The following MET variants were observed in gnomAD, a reference collection of about 807,000 sequenced individuals.
MET encodes the protein hepatocyte growth factor receptor.
A neutral mutation model predicts 133.1 loss-of-function variants in MET; 48 were observed. The observed-to-expected ratio is 0.36, with a 90% CI of 0.29 to 0.46. MET has a LOEUF of 0.46. MET is among the 20% of genes least tolerant of loss of function. The pLI, the probability that MET is intolerant of heterozygous loss-of-function variation, is 1.00. For synonymous variants in MET, 628 were observed against 616.5 expected (o/e 1.02, Z -0.28); for missense variants, 1,442 against 1,695.9 (o/e 0.85, Z 2.63).
chr7:116,700,336 A>G (rs768186336), intron 2 of MET, 52 bp downstream of exon 2: 2 of 1,568,584 alleles, frequency 1.3e-6, no homozygotes, highest in Non-Finnish European at 1.7e-6. Context: ...AATTAGAAAT[A>G]AGTATCAGTC....
chr7:116,776,741 C>A (rs1421027559), intron 15 of MET, among the ~76,000 whole-genome samples: 3 of 152,192 alleles, frequency 2.0e-5, no homozygotes, highest in Admixed American at 6.5e-5. Context: ...GGGGAAATTA[C>A]TGCCACTGGA....
intron 1 of MET, among the ~76,000 whole-genome samples, chr7:116,682,118 T>G (rs965898767): frequency 3.9e-5 from 6 of 152,220 alleles, no homozygotes; most frequent in African/African-American, 9.6e-5. Context: ...AACATTCTTT[T>G]GGTCTTCAAA....
At chr7:116,754,935 GAAAGAAAGAAAGAA>G (rs1794087020) in intron 5 of MET, among the ~76,000 whole-genome samples, 1 of 132,300 alleles carries the variant, frequency 7.6e-6, no homozygotes, top group African/African-American at 2.7e-5. Context: ...AAGAAAGAAA[GAAAGAAAGAAAGAA>G]AGAGAAAGAA....
At chr7:116,783,540 CTACT>C in intron 19 of MET, 71 bp downstream of exon 19, 3 of 1,539,756 alleles carry the variant, frequency 1.9e-6, no homozygotes, top group Non-Finnish European at 1.8e-6. Context: ...AGTTTTATCA[CTACT>C]TAATTTTTTA....
At chr7:116,682,107 A>G (rs1278572217) in intron 1 of MET, among the ~76,000 whole-genome samples, 1 of 152,214 alleles carries the variant, frequency 6.6e-6, no homozygotes, top group African/African-American at 2.4e-5. Flanking sequence ...CAGTGATTTT[A>G]AACATTCTTT....
At chr7:116,728,161 A>G (rs546531927) in intron 2 of MET, among the ~76,000 whole-genome samples, 9 of 152,242 alleles carry the variant, frequency 5.9e-5, no homozygotes, top group Non-Finnish European at 1.2e-4. Context: ...GAAAAAGGTT[A>G]GAGTCTCCTG....
At chr7:116,789,093 CT>C (rs1199333382) in intron 19 of MET, among the ~76,000 whole-genome samples, 1 of 152,092 alleles carries the variant, frequency 6.6e-6, no homozygotes, top group Non-Finnish European at 1.5e-5. Flanking sequence ...CCTCATTTTT[CT>C]TGAAATTTCC....
intron 2 of MET, among the ~76,000 whole-genome samples, chr7:116,730,133 C>T (rs1792946149): frequency 6.6e-6 from 1 of 152,080 alleles, no homozygotes; most frequent in Non-Finnish European, 1.5e-5. Context: ...CAGGGCAGGC[C>T]TCCTGAAGAA....
chr7:116,755,575 G>T, intron 6 of MET, 60 bp downstream of exon 6: 1 of 1,601,248 alleles, frequency 6.2e-7, no homozygotes, highest in South Asian at 1.1e-5. Flanking sequence ...GTTTTTGAAT[G>T]AATATTTCTT....
intron 1 of MET, among the ~76,000 whole-genome samples, chr7:116,684,445 T>C (rs978393558): frequency 1.3e-5 from 2 of 152,174 alleles, no homozygotes; most frequent in African/African-American, 4.8e-5. Context: ...TAAGTTACTA[T>C]ATAGTGTGGT....
intron 19 of MET, among the ~76,000 whole-genome samples, chr7:116,789,864 G>A (rs1167081672): frequency 1.3e-5 from 2 of 152,060 alleles, no homozygotes; most frequent in Admixed American, 6.6e-5. Context: ...GATTTGTTAC[G>A]TAGGTAAACG....
intron 5 of MET, among the ~76,000 whole-genome samples, chr7:116,742,838 A>G (rs1276294981): frequency 2.0e-5 from 3 of 152,220 alleles, no homozygotes; most frequent in Non-Finnish European, 4.4e-5. Context: ...AGCTGAGTCC[A>G]TAAATCCCTC....
chr7:116,674,300 T>G (rs1018824734), intron 1 of MET, among the ~76,000 whole-genome samples: 4 of 152,168 alleles, frequency 2.6e-5, no homozygotes, highest in Non-Finnish European at 5.9e-5. Flanking sequence ...ATAACTAATA[T>G]TTTCACTACT....
At chr7:116,762,945 CA>C in intron 10 of MET, 104 bp from the exon 11 acceptor site, 2 of 996,988 alleles carry the variant, frequency 2.0e-6, no homozygotes, top group Non-Finnish European at 1.6e-6. Flanking sequence ...CAGATTTTTT[CA>C]AAAATTATAT....
intron 11 of MET, among the ~76,000 whole-genome samples, chr7:116,767,986 G>A (rs1471758147): frequency 1.3e-5 from 2 of 150,254 alleles, no homozygotes; most frequent in African/African-American, 2.5e-5. Context: ...GTGTGTGTGT[G>A]TGTGTGTGTG....
At position 116,699,058 on chromosome 7, in the gene MET, C is replaced by T. The variant is rs36080330; in HGVS notation, c.-14-13C>T. On this transcript the variant is annotated splice_polypyrimidine_tract_variant and intron_variant, in intron 1 of 20. Coordinates refer to ENST00000397752, the MANE Select transcript of MET (RefSeq NM_000245.4). ...ACAACTGAACTGCTCTCGCCTTGAA[C>T]CTGTTTTGGCAGATAAACCTCTCAT... is the stretch of plus-strand genomic sequence containing the variant. The T allele has an allele frequency of 1.7e-3, 2,698 of 1,613,674 alleles. 37 individuals carry two copies. The African/African-American group carries it at 0.033, about 20-fold the overall frequency.
chr7:116,690,787 T>C (rs1007469103), intron 1 of MET, among the ~76,000 whole-genome samples: 1 of 152,212 alleles, frequency 6.6e-6, no homozygotes, highest in Admixed American at 6.5e-5. Context: ...GACTGTACAC[T>C]CTTTGAGGGA....
chr7:116,741,972 G>A (rs1023040748), intron 5 of MET, among the ~76,000 whole-genome samples: 17 of 152,134 alleles, frequency 1.1e-4, no homozygotes, highest in African/African-American at 3.9e-4. Context: ...AAATCTCCAC[G>A]CAATTTTTAA....
At chr7:116,718,801 G>A (rs1191212638) in intron 2 of MET, among the ~76,000 whole-genome samples, 1 of 148,230 alleles carries the variant, frequency 6.7e-6, no homozygotes, top group Non-Finnish European at 1.5e-5. Flanking sequence ...TTTCATCCAT[G>A]TCCCTACAAA....
Sources: allele counts gnomAD v4.1 joint callset (sites outside exome capture counted in the v4.1 genomes callset), GRCh38; gene constraint gnomAD v4.1.1; transcripts MANE v1.5; gene names NCBI Gene and HGNC (gene_info 2026-07-23, HGNC 2026-07-21).